The following RIMS2 variants were observed in gnomAD, a reference collection of about 807,000 sequenced individuals.
RIMS2 encodes regulating synaptic membrane exocytosis protein 2.
In RIMS2, 59 loss-of-function variants were observed where a neutral mutation model predicts 174.4. The observed-to-expected ratio is 0.34, with a 90% confidence interval of 0.27 to 0.42. The LOEUF is 0.42. Ranked by LOEUF, RIMS2 falls within the 10% of genes least tolerant of loss-of-function variation. The pLI is 1.00. For synonymous variants in RIMS2, 606 were observed against 572.5 expected (o/e 1.06, Z -0.84); for missense variants, 1,620 against 1,666.3 (o/e 0.97, Z 0.48).
intron 19 of RIMS2, among the ~76,000 whole-genome samples, chr8:104,213,268 G>A (rs1189838002): frequency 6.6e-6 from 1 of 152,102 alleles, no homozygotes; most frequent in African/African-American, 2.4e-5. Flanking sequence ...CCGAGATCAT[G>A]CCCCTGCACT....
intron 1 of RIMS2, among the ~76,000 whole-genome samples, chr8:103,682,765 CTGTT>C (rs545712964): frequency 1.2e-3 from 185 of 152,140 alleles, no homozygotes; most frequent in Admixed American, 2.4e-3. Flanking sequence ...AAGGTAAATA[CTGTT>C]TCTTAGTACC....
chr8:104,133,728 T>C (rs1362882670), intron 19 of RIMS2, among the ~76,000 whole-genome samples: 2 of 152,082 alleles, frequency 1.3e-5, no homozygotes, highest in Non-Finnish European at 2.9e-5. Flanking sequence ...GGATATGTAA[T>C]ATATTTTAGA....
intron 1 of RIMS2, among the ~76,000 whole-genome samples, chr8:103,671,096 C>A (rs572739278): frequency 6.6e-6 from 1 of 152,124 alleles, no homozygotes; most frequent in Non-Finnish European, 1.5e-5. Context: ...TACATGGTGG[C>A]AGGCAAAGAG....
At chr8:103,889,677 C>T (rs530981962) in intron 4 of RIMS2, among the ~76,000 whole-genome samples, 1 of 151,710 alleles carries the variant, frequency 6.6e-6, no homozygotes, top group East Asian at 1.9e-4. Context: ...TATTCTGTTT[C>T]TTTTCTTCTT....
In RIMS2 at chr8:104,169,304, CTATATA is replaced by C. The variant is rs751636552; in HGVS notation, c.3335-75581_3335-75576del. On this transcript the variant is annotated intron_variant, in intron 19 of 23. Transcript: ENST00000504942. ...AGTCCTGGACTTTTTTTGTTGTTGG[CTATATA>C]TATATATATATATATATATATATAT... Among the ~76,000 whole-genome samples the C allele has an allele frequency of 1.4e-3, 124 of 87,522 alleles. 2 individuals are homozygous for C. The highest frequency in any genetic ancestry group is 4.6e-3 in the African/African-American group (89 of 19,526). 57.4% of individuals were successfully genotyped at this position (87,522 alleles called of 152,430 possible). A position where few individuals can be genotyped will look rare whatever the true frequency, so the allele number is the denominator to read the frequency against.
intron 1 of RIMS2, among the ~76,000 whole-genome samples, chr8:103,689,750 G>A (rs1355555842): frequency 6.6e-6 from 1 of 152,058 alleles, no homozygotes; most frequent in East Asian, 1.9e-4. Flanking sequence ...AATAGTAAAT[G>A]CACAGAAAAA....
At chr8:103,717,714 C>A (rs2097390572) in intron 2 of RIMS2, among the ~76,000 whole-genome samples, 2 of 152,078 alleles carry the variant, frequency 1.3e-5, no homozygotes, top group African/African-American at 4.8e-5. Context: ...ATATTGACTA[C>A]AAGATAAAAG....
At chr8:103,759,636 A>G (rs1486512415) in intron 2 of RIMS2, among the ~76,000 whole-genome samples, 1 of 152,032 alleles carries the variant, frequency 6.6e-6, no homozygotes, top group Non-Finnish European at 1.5e-5. Context: ...GACTTCCAGA[A>G]CTGTCCTTTG....
At chr8:104,169,778 T>TCA in intron 19 of RIMS2, among the ~76,000 whole-genome samples, 1 of 152,128 alleles carries the variant, frequency 6.6e-6, no homozygotes, top group Non-Finnish European at 1.5e-5. Context: ...GTTGTCTATT[T>TCA]GTGCTCTTTC....
chr8:103,991,543 A>G (rs779778880), intron 17 of RIMS2, among the ~76,000 whole-genome samples: 29 of 152,068 alleles, frequency 1.9e-4, no homozygotes, highest in Admixed American at 5.9e-4. Flanking sequence ...AGATAAGAAT[A>G]CTCTAGAACT....
At chr8:103,527,417 G>A (rs1466940209) in intron 1 of RIMS2, among the ~76,000 whole-genome samples, 1 of 151,988 alleles carries the variant, frequency 6.6e-6, no homozygotes, top group Non-Finnish European at 1.5e-5. Flanking sequence ...TATACTTTGA[G>A]TTCAAGGTAC....
At chr8:103,577,656 A>G (rs1406074480) in intron 1 of RIMS2, among the ~76,000 whole-genome samples, 1 of 152,220 alleles carries the variant, frequency 6.6e-6, no homozygotes, top group East Asian at 1.9e-4. Flanking sequence ...TGATCTAGCT[A>G]TTTCATTTCT....
intron 17 of RIMS2, among the ~76,000 whole-genome samples, chr8:104,004,266 C>G (rs367920926): frequency 3.4e-4 from 51 of 152,212 alleles, no homozygotes; most frequent in African/African-American, 1.2e-3. Context: ...AGAAACAACC[C>G]ATGAAATGAG....
intron 19 of RIMS2, among the ~76,000 whole-genome samples, chr8:104,110,942 A>G (rs1365060720): frequency 1.3e-5 from 2 of 152,152 alleles, no homozygotes; most frequent in East Asian, 3.9e-4. Context: ...TGTGCTTAAA[A>G]CTCATTGACA....
intron 19 of RIMS2, among the ~76,000 whole-genome samples, chr8:104,064,232 T>A (rs2097060753): frequency 6.6e-6 from 1 of 152,094 alleles, no homozygotes; most frequent in Admixed American, 6.6e-5. Context: ...CTTTAAAGAC[T>A]TACACCAAAA....
At chr8:104,013,371 T>C in intron 17 of RIMS2, 71 bp from the exon 20 acceptor site, 1 of 1,223,130 alleles carries the variant, frequency 8.2e-7, no homozygotes. Flanking sequence ...CAAAATCAGT[T>C]TGATGCATCA....
chr8:104,148,326 A>C (rs1035249892), intron 19 of RIMS2, among the ~76,000 whole-genome samples: 1 of 151,972 alleles, frequency 6.6e-6, no homozygotes, highest in African/African-American at 2.4e-5. Flanking sequence ...AAATGAACCC[A>C]CTGATTTTTC....
intron 1 of RIMS2, among the ~76,000 whole-genome samples, chr8:103,617,331 C>G (rs949097930): frequency 1.3e-5 from 2 of 152,192 alleles, no homozygotes; most frequent in African/African-American, 4.8e-5. Flanking sequence ...AAGCTGGACT[C>G]CTTCCTTATG....
chr8:104,055,804 G>A (rs1191479011), intron 19 of RIMS2, among the ~76,000 whole-genome samples: 2 of 152,098 alleles, frequency 1.3e-5, no homozygotes, highest in African/African-American at 4.8e-5. Context: ...CCTGCACAAA[G>A]TTCCTAGTTT....
Sources: allele counts gnomAD v4.1 joint callset (sites outside exome capture counted in the v4.1 genomes callset), GRCh38; gene constraint gnomAD v4.1.1; transcripts MANE v1.5; gene names NCBI Gene and HGNC (gene_info 2026-07-23, HGNC 2026-07-21).